Variants in DPP6 observed in about 807,000 individuals in gnomAD.
DPP6 encodes A-type potassium channel modulatory protein DPP6.
Under a neutral mutation model 122.6 loss-of-function variants are expected in DPP6, and 69 were observed. The ratio of observed to expected loss-of-function variants is 0.56; its 90% CI spans 0.46 to 0.69. DPP6 has a LOEUF of 0.69. DPP6 is among the 30% of genes least tolerant of loss of function. The pLI is 0.00. For synonymous variants in DPP6, 418 were observed against 433.1 expected, an observed-to-expected ratio of 0.97 and a Z score of 0.43; for missense variants, 928 against 1,116.9, an observed-to-expected ratio of 0.83 and a Z score of 2.41.
At chr7:154,113,130 G>A (rs990816916) in intron 1 of DPP6, among the ~76,000 whole-genome samples, 9 of 152,194 alleles carry the variant, frequency 5.9e-5, no homozygotes, top group Non-Finnish European at 1.2e-4. Context: ...CTGTCAATGA[G>A]CATTTAGATG....
chr7:154,769,982 C>T (rs1796159949), intron 9 of DPP6, among the ~76,000 whole-genome samples: 1 of 152,164 alleles, frequency 6.6e-6, no homozygotes, highest in Admixed American at 6.5e-5. Flanking sequence ...TTCATGGTCA[C>T]TGCTACGGGC....
At chr7:154,112,066 A>G (rs1336152985) in intron 1 of DPP6, among the ~76,000 whole-genome samples, 2 of 152,138 alleles carry the variant, frequency 1.3e-5, no homozygotes, top group East Asian at 3.9e-4. Context: ...GCTGGAGTGG[A>G]TCACGAAGGG....
chr7:154,441,619 G>A (rs377032495), intron 1 of DPP6, among the ~76,000 whole-genome samples: 6 of 152,174 alleles, frequency 3.9e-5, no homozygotes, highest in Non-Finnish European at 5.9e-5. Context: ...AAGATGAGAC[G>A]TGTCAGATTT....
At chr7:153,940,644 C>G (rs979008581) in intron 1 of DPP6, among the ~76,000 whole-genome samples, 5 of 152,228 alleles carry the variant, frequency 3.3e-5, no homozygotes, top group African/African-American at 1.2e-4. Context: ...CCTTGCATCT[C>G]CCTGTAGGAC....
the DPP6 span, among the ~76,000 whole-genome samples, chr7:153,793,038 C>T: frequency 6.5e-4 from 99 of 152,274 alleles, no homozygotes; most frequent in Admixed American, 1.2e-3. Flanking sequence ...TCTTTTTCTT[C>T]CTAGTCTTGG....
intron 1 of DPP6, among the ~76,000 whole-genome samples, chr7:154,197,308 G>C (rs1222155119): frequency 6.6e-6 from 1 of 151,926 alleles, no homozygotes; most frequent in African/African-American, 2.4e-5. Context: ...GGGAATACCA[G>C]ACTCTAGCTT....
At chr7:153,793,939 G>A in the DPP6 span, among the ~76,000 whole-genome samples, 1 of 152,216 alleles carries the variant, frequency 6.6e-6, no homozygotes, top group Non-Finnish European at 1.5e-5. Context: ...GCCGGCAGGT[G>A]CACAATAGTC....
intron 8 of DPP6, among the ~76,000 whole-genome samples, chr7:154,764,274 T>G (rs977248704): frequency 6.6e-6 from 1 of 152,154 alleles, no homozygotes; most frequent in African/African-American, 2.4e-5. Flanking sequence ...TCTGATGTTA[T>G]ACTAAGGACC....
chr7:153,882,647 A>G (rs1798785755), upstream of DPP6, among the ~76,000 whole-genome samples: 1 of 152,228 alleles, frequency 6.6e-6, no homozygotes, highest in Non-Finnish European at 1.5e-5. Flanking sequence ...CGACACCACC[A>G]ATGGCTGCAT....
chr7:153,906,040 A>G (rs1799835620), intron 1 of DPP6, among the ~76,000 whole-genome samples: 1 of 152,338 alleles, frequency 6.6e-6, no homozygotes, highest in South Asian at 2.1e-4. Context: ...TTTATAAGAG[A>G]AATATATTTT....
chr7:154,498,426 C>T (rs1270139474), intron 3 of DPP6, among the ~76,000 whole-genome samples: 2 of 152,292 alleles, frequency 1.3e-5, no homozygotes, highest in East Asian at 1.9e-4. Flanking sequence ...GCAACCTCCA[C>T]CTCCCAGGTT....
Position 154,889,285 on chromosome 7 carries a change from C to T in DPP6, c.2318C>T (p.Ala773Val). The change falls in exon 24 of 26, where the codon GCC becomes GTC. Residue 773 changes from alanine (A) to valine (V), a missense_variant. Physicochemically the swap from Ala to Val is moderately conservative, Grantham distance 64. Transcript: ENST00000377770. ...CCGCATGTGCAGATGACCAAGGTAG[C>T]CCATCGAGTCTCCGCGCTGGAAGAA... ...DNRAYEMTKV[A>V]HRVSALEEQQ... The T allele has an allele frequency of 6.2e-7, 1 of 1,612,924 alleles. No homozygotes were observed. Among genetic ancestry groups the T allele is most frequent in the South Asian group, 1.1e-5 (1 of 90,584 alleles).
intron 5 of DPP6, among the ~76,000 whole-genome samples, chr7:154,590,680 A>G (rs898790851): frequency 2.0e-5 from 3 of 149,944 alleles, no homozygotes; most frequent in Non-Finnish European, 4.4e-5. Flanking sequence ...GATTACAGGC[A>G]TGTGCCACCA....
intron 2 of DPP6, among the ~76,000 whole-genome samples, chr7:154,471,777 A>G (rs1354196059): frequency 6.6e-6 from 1 of 152,232 alleles, no homozygotes; most frequent in African/African-American, 2.4e-5. Flanking sequence ...TCAATAGGGA[A>G]AAGAGAAAAT....
intron 5 of DPP6, among the ~76,000 whole-genome samples, chr7:154,620,471 T>C (rs1316150163): frequency 1.3e-5 from 2 of 152,234 alleles, no homozygotes; most frequent in East Asian, 1.9e-4. Context: ...CCAGAGGATA[T>C]ATTTAGAGGC....
intron 6 of DPP6, among the ~76,000 whole-genome samples, chr7:154,666,930 C>G (rs1008793588): frequency 6.6e-6 from 1 of 152,200 alleles, no homozygotes; most frequent in Non-Finnish European, 1.5e-5. Context: ...AATGATTGCA[C>G]CAGCTTGCTT....
At chr7:154,492,617 C>G (rs1824376409) in intron 3 of DPP6, among the ~76,000 whole-genome samples, 1 of 152,154 alleles carries the variant, frequency 6.6e-6, no homozygotes, top group South Asian at 2.1e-4. Context: ...ATATTCACAA[C>G]CATTCCTGCT....
At chr7:153,858,337 C>T in the DPP6 span, among the ~76,000 whole-genome samples, 1 of 152,154 alleles carries the variant, frequency 6.6e-6, no homozygotes, top group Non-Finnish European at 1.5e-5. Flanking sequence ...ATTGGTTCTG[C>T]TGGGGCAGGG....
chr7:154,150,395 C>A (rs1431876586), intron 1 of DPP6, among the ~76,000 whole-genome samples: 13 of 152,148 alleles, frequency 8.5e-5, no homozygotes, highest in Non-Finnish European at 5.9e-5. Context: ...ACCTGCTGAC[C>A]TCTGGGACCA....
Sources: allele counts gnomAD v4.1 joint callset (sites outside exome capture counted in the v4.1 genomes callset), GRCh38; gene constraint gnomAD v4.1.1; transcripts MANE v1.5; gene names NCBI Gene and HGNC (gene_info 2026-07-23, HGNC 2026-07-21).